Variants in ZNF215 observed in about 807,000 individuals in gnomAD.
ZNF215 encodes BWSCR2-associated zinc finger protein 2.
In ZNF215, 24 loss-of-function variants were observed where a neutral mutation model predicts 27.2. The ratio of observed to expected loss-of-function variants is 0.88; its 90% CI spans 0.64 to 1.24. The LOEUF (loss-of-function observed/expected upper bound fraction) is 1.24, where lower values mean the gene tolerates loss of function less well. Ranked by LOEUF, ZNF215 falls within the 50% of genes most tolerant of loss-of-function variation. ZNF215 has a pLI of 0.00. For synonymous variants in ZNF215, 210 were observed against 204.0 expected, an observed-to-expected ratio of 1.03 and a Z score of -0.25; for missense variants, 675 against 605.7, an observed-to-expected ratio of 1.11 and a Z score of -1.20.
At chr11:6,931,500 G>A (rs1424951709) in intron 2 of ZNF215, among the ~76,000 whole-genome samples, 1 of 152,116 alleles carries the variant, frequency 6.6e-6, no homozygotes, top group Non-Finnish European at 1.5e-5. Context: ...GTTCAGTTGC[G>A]CCTAAGACAT....
chr11:6,956,317 G>A lies in ZNF215; in HGVS notation c.1340G>A (p.Ser447Asn), dbSNP rs1486475826. The change falls in exon 7 of 7, where the codon AGT becomes AAT. Residue 447 changes from serine to asparagine, a missense_variant. Physicochemically the swap from Ser to Asn is conservative, Grantham distance 46 (BLOSUM62 1). Transcript: ENST00000278319. ...SNKCGKAFSKSEDSNNPTLHF... is the reference protein window; with the variant it reads ...SNKCGKAFSKNEDSNNPTLHF... Reference sequence around the variant, plus strand: ...AAATGTGGAAAGGCCTTCAGTAAAAGTGAAGACAGTAATAATCCAACACTC... The same window carrying A: ...AAATGTGGAAAGGCCTTCAGTAAAAATGAAGACAGTAATAATCCAACACTC... 1 of 1,614,152 alleles carries A rather than the reference G, an allele frequency of 6.2e-7. No homozygotes were observed. The highest frequency in any genetic ancestry group is 1.7e-5 in the Admixed American group (1 of 60,024).
At chr11:6,994,096 C>T (rs534949677) in intron 6 of ZNF215, among the ~76,000 whole-genome samples, 5 of 152,010 alleles carry the variant, frequency 3.3e-5, no homozygotes, top group Non-Finnish European at 7.4e-5. Flanking sequence ...GGAAAAAATA[C>T]ATGTGAAAGA....
At position 6,955,713 on chromosome 11, in the gene ZNF215, G is replaced by A. The variant is rs1455294942; in HGVS notation, c.736G>A (p.Glu246Lys). ...IFDMKSISGEESSHGVIMTRL... is the reference protein window; with the variant it reads ...IFDMKSISGEKSSHGVIMTRL... ...AGACATGAAGAGTATTTCTGGAGAA[G>A]AATCATCCCATGGAGTGATTATGAC... The change falls in exon 7 of 7, where the codon GAA (glutamate) becomes AAA (lysine). Residue 246 changes from glutamate (E) to lysine (K), a missense_variant. By Grantham distance (56) the Glu-to-Lys change is moderately conservative (BLOSUM62 1). Transcript: ENST00000278319. The A allele has an allele frequency of 6.4e-7, 1 of 1,563,024 alleles. No individual in the cohort carries two copies. Among genetic ancestry groups the A allele is most frequent in the East Asian group, 2.2e-5 (1 of 44,514 alleles).
intron 6 of ZNF215, among the ~76,000 whole-genome samples, chr11:6,953,663 C>G (rs1444242022): frequency 6.6e-6 from 1 of 152,196 alleles, no homozygotes; most frequent in East Asian, 1.9e-4. Flanking sequence ...TTTTCACCTT[C>G]TTTGCCTTTG....
rs1304344314 is a variant in ZNF215, at chr11:6,956,084, C to A, written c.1107C>A (p.His369Gln). 6.2e-7 allele frequency: 1 copy of A among 1,611,890 alleles called. No individual in the cohort carries two copies. The highest frequency in any genetic ancestry group is 1.7e-5 in the Admixed American group (1 of 59,728). ...NDLSLSTDIR[H>Q]QKSHTTMNSY... Reference sequence around the variant, plus strand: ...TGAGTTTGAGTACAGATATTCGACACCAAAAAAGTCATACTACAATGAATT... The same window carrying A: ...TGAGTTTGAGTACAGATATTCGACAACAAAAAAGTCATACTACAATGAATT... Residue 369 changes from histidine to glutamine, a missense_variant, in exon 7 of 7, where the codon CAC (histidine) becomes CAA (glutamine). By Grantham distance (24) the His-to-Gln change is conservative. Coordinates refer to ENST00000278319, the MANE Select transcript of ZNF215 (RefSeq NM_013250.4).
intron 5 of ZNF215, among the ~76,000 whole-genome samples, chr11:6,970,152 A>G (rs1324576837): frequency 6.6e-6 from 1 of 152,192 alleles, no homozygotes; most frequent in African/African-American, 2.4e-5. Flanking sequence ...ACCTCAATCT[A>G]TTCAAGCTTC....
At chr11:6,987,330 T>A (rs183526886), downstream of ZNF215, among the ~76,000 whole-genome samples, 5 of 151,980 alleles carry the variant, frequency 3.3e-5, no homozygotes, top group Non-Finnish European at 7.4e-5. Flanking sequence ...TGGGTACACA[T>A]GATCATAAAA....
chr11:6,928,546 T>TA (rs1316787675), intron 2 of ZNF215, among the ~76,000 whole-genome samples: 1 of 152,210 alleles, frequency 6.6e-6, no homozygotes, highest in Non-Finnish European at 1.5e-5. Context: ...TGGTATTTTT[T>TA]AAAAATTCTT....
Position 6,957,283 on chromosome 11 carries a change from C to T in ZNF215, c.*752C>T. 1 of 709,812 alleles carries T rather than the reference C, an allele frequency of 1.4e-6. No homozygotes were observed. The highest frequency in any genetic ancestry group is 1.7e-6 in the Non-Finnish European group (1 of 578,380). The allele number at this position is 709,812 out of a possible 1,614,324, so 44.0% of individuals were successfully genotyped here. A position where few individuals can be genotyped will look rare whatever the true frequency, so the allele number is the denominator to read the frequency against. Reference sequence around the variant, plus strand: ...CCAGGGACACTGTGTGGAGTTCGCACACTCTCCCTATGTCTCCGGGTGCTC... The same window carrying T: ...CCAGGGACACTGTGTGGAGTTCGCATACTCTCCCTATGTCTCCGGGTGCTC... On this transcript the variant is annotated 3_prime_UTR_variant, in exon 7 of 7. Coordinates refer to ENST00000278319, the MANE Select transcript of ZNF215 (RefSeq NM_013250.4).
At chr11:6,935,524 AG>A (rs1662102574) in intron 3 of ZNF215, among the ~76,000 whole-genome samples, 1 of 152,240 alleles carries the variant, frequency 6.6e-6, no homozygotes, top group South Asian at 2.1e-4. Flanking sequence ...TTAGTTCAAA[AG>A]TTACTAAATG....
chr11:6,975,206 G>C (rs1850805644), intron 5 of ZNF215, among the ~76,000 whole-genome samples: 1 of 151,976 alleles, frequency 6.6e-6, no homozygotes, highest in South Asian at 2.1e-4. Flanking sequence ...TTATTGATTT[G>C]CATATGTTGA....
At chr11:6,969,093 A>T (rs1377021767) in intron 5 of ZNF215, among the ~76,000 whole-genome samples, 1 of 152,112 alleles carries the variant, frequency 6.6e-6, no homozygotes, top group Non-Finnish European at 1.5e-5. Context: ...TTGGTGTTGA[A>T]TCACTGGATT....
At chr11:6,947,698 C>T (rs1327546818) in intron 6 of ZNF215, among the ~76,000 whole-genome samples, 1 of 152,102 alleles carries the variant, frequency 6.6e-6, no homozygotes, top group Admixed American at 6.5e-5. Flanking sequence ...TTATCTGTTA[C>T]TTTTAACAGA....
At chr11:6,951,723 C>T (rs1004112521) in intron 6 of ZNF215, among the ~76,000 whole-genome samples, 1 of 152,010 alleles carries the variant, frequency 6.6e-6, no homozygotes, top group African/African-American at 2.4e-5. Flanking sequence ...TTTTTTGTGT[C>T]TCTATTTCCT....
At chr11:6,941,679 G>A (rs1849634964) in intron 4 of ZNF215, 26 bp downstream of exon 4, 1 of 1,610,170 alleles carries the variant, frequency 6.2e-7, no homozygotes, top group Admixed American at 1.7e-5. Flanking sequence ...AGTCTTTACT[G>A]AACACATATG....
At chr11:6,953,565 A>T (rs1850181966) in intron 6 of ZNF215, among the ~76,000 whole-genome samples, 1 of 151,980 alleles carries the variant, frequency 6.6e-6, no homozygotes, top group South Asian at 2.1e-4. Flanking sequence ...ATAGTTCTCG[A>T]GCCTTGGTTT....
chr11:6,969,350 T>C (rs1239776727), intron 5 of ZNF215, among the ~76,000 whole-genome samples: 1 of 152,182 alleles, frequency 6.6e-6, no homozygotes, highest in East Asian at 1.9e-4. Context: ...AGCTACTCCT[T>C]GTGGAATTAA....
At chr11:6,943,745 G>T in intron 6 of ZNF215, 104 bp downstream of exon 6, 1 of 905,136 alleles carries the variant, frequency 1.1e-6, no homozygotes. Flanking sequence ...GAAGGAGATA[G>T]CAAAACCTAA....
In ZNF215 at chr11:6,956,685, T is replaced by C; in HGVS notation, c.*154T>C. On this transcript the variant is annotated 3_prime_UTR_variant, in exon 7 of 7. Coordinates refer to ENST00000278319, the MANE Select transcript of ZNF215 (RefSeq NM_013250.4). ...TCACAGAATTAATGTTGGATAGAAATATCATTGGATAGAAATCTGTTTGAA... is the reference window on the plus strand; with the variant it reads ...TCACAGAATTAATGTTGGATAGAAACATCATTGGATAGAAATCTGTTTGAA... The C allele has an allele frequency of 2.2e-6, 3 of 1,385,690 alleles. No homozygotes were observed. The highest frequency in any genetic ancestry group is 2.8e-6 in the Non-Finnish European group (3 of 1,077,746). The allele number at this position is 1,385,690 out of a possible 1,614,324, so 85.8% of individuals were successfully genotyped here.
Sources: gnomAD v4.1 joint callset for allele counts (sites outside exome capture counted in the v4.1 genomes callset) on GRCh38, gnomAD v4.1.1 for gene constraint, MANE v1.5 for transcripts, NCBI Gene and HGNC (gene_info 2026-07-23, HGNC 2026-07-21) for gene names.